HECW1: variants seen among roughly 807,000 people sequenced by gnomAD.
The protein encoded by HECW1 is E3 ubiquitin-protein ligase HECW1.
In HECW1, 61 loss-of-function variants were observed where a neutral mutation model predicts 182.3. The ratio of observed to expected loss-of-function variants is 0.33; its 90% CI spans 0.27 to 0.41. The LOEUF (loss-of-function observed/expected upper bound fraction) is 0.41, where lower values mean the gene tolerates loss of function less well. Ranked by LOEUF, HECW1 falls within the 10% of genes least tolerant of loss-of-function variation. The pLI, the probability that HECW1 is intolerant of heterozygous loss-of-function variation, is 1.00. For missense variants in HECW1, 1,739 were observed against 2,108.9 expected, an observed-to-expected ratio of 0.82 and a Z score of 3.44; for synonymous variants, 859 against 832.6, an observed-to-expected ratio of 1.03 and a Z score of -0.55.
rs1050279082 is a variant in HECW1, at chr7:43,408,366, G to A, written c.801+635G>A. Among the ~76,000 whole-genome samples the A allele has an allele frequency of 3.3e-5, 5 of 152,026 alleles. No individual in the cohort carries two copies. The South Asian group carries it at 1.0e-3, about 32-fold the overall frequency. On this transcript the variant is annotated intron_variant, in intron 8 of 29. Transcript: ENST00000395891. ...GTGTTGCCTTTGCCAGGGGTTAGGA[G>A]GGTCCTCCAAGTTCTCTCCTAAAGG...
At chr7:43,488,075 C>T (rs373947653) in intron 17 of HECW1, among the ~76,000 whole-genome samples, 5 of 151,754 alleles carry the variant, frequency 3.3e-5, no homozygotes, top group Admixed American at 6.6e-5. Context: ...TTTGGGAGAC[C>T]GAGGCAGGCA....
intron 9 of HECW1, among the ~76,000 whole-genome samples, chr7:43,440,992 T>C (rs1430476490): frequency 6.6e-6 from 1 of 152,198 alleles, no homozygotes; most frequent in African/African-American, 2.4e-5. Context: ...TGTCACAAAC[T>C]AATAAATGGA....
At chr7:43,245,533 T>C (rs1265821064) in intron 3 of HECW1, 2 of 152,222 alleles carry the variant, frequency 1.3e-5, no homozygotes, top group African/African-American at 4.8e-5. Context: ...TCTCAGCTCA[T>C]GGCATCTTCA....
chr7:43,118,805 TGACCGGGCATAG>T (rs1785293388), intron 2 of HECW1: 1 of 152,142 alleles, frequency 6.6e-6, no homozygotes, highest in Non-Finnish European at 1.5e-5. Context: ...CCCCTCTACA[TGACCGGGCATAG>T]GACCTGCATA....
At chr7:43,192,986 A>G (rs1200872903) in intron 2 of HECW1, among the ~76,000 whole-genome samples, 1 of 152,140 alleles carries the variant, frequency 6.6e-6, no homozygotes. Flanking sequence ...TTTTATGGCT[A>G]TTTCTTGATT....
rs534321808 is a variant in HECW1, at chr7:43,432,429, G to A, written c.802-5574G>A. Among the ~76,000 whole-genome samples the A allele has an allele frequency of 1.4e-3, 206 of 152,306 alleles. 2 individuals are homozygous for A. Among genetic ancestry groups the A allele is most frequent in the African/African-American group, 4.5e-3 (187 of 41,584 alleles). ...GCTGGGATTACAGGTGTGAGCCACC[G>A]CGCCCGGCCCAGTTGTTTATTTTTT... On this transcript the variant is annotated intron_variant, in intron 8 of 29. Transcript: ENST00000395891. The surrounding 1 kb of genome is among the most constrained non-coding windows in gnomAD (Gnocchi z 4.1).
chr7:43,434,052 C>A (rs1292742583), intron 8 of HECW1, among the ~76,000 whole-genome samples: 7 of 151,088 alleles, frequency 4.6e-5, no homozygotes, highest in Middle Eastern at 3.4e-3. Flanking sequence ...TAAAAAAAAA[C>A]AAAAAACCTT....
intron 2 of HECW1, among the ~76,000 whole-genome samples, chr7:43,168,472 A>G (rs1158478569): frequency 6.6e-6 from 1 of 152,130 alleles, no homozygotes; most frequent in African/African-American, 2.4e-5. Flanking sequence ...AACCTGGGCA[A>G]CATACTGAGA....
Position 43,469,211 on chromosome 7 carries a change from G to C in HECW1, c.3099+106G>C, listed in dbSNP as rs1039033701. 150 of 1,233,210 alleles carry C rather than the reference G, an allele frequency of 1.2e-4. 2 individuals carry two copies. The Middle Eastern group carries it at 1.7e-3, about 14-fold the overall frequency. The allele number at this position is 1,233,210 out of a possible 1,614,324, so 76.4% of individuals were successfully genotyped here. On this transcript the variant is annotated intron_variant, in intron 16 of 29. Coordinates refer to ENST00000395891, the MANE Select transcript of HECW1 (RefSeq NM_015052.5). Reference sequence around the variant, plus strand: ...GTGTGGGGAGGAGTTATGTCTGAGAGATGTGCTATCGGCCGCCAGCAGTAA... The same window carrying C: ...GTGTGGGGAGGAGTTATGTCTGAGACATGTGCTATCGGCCGCCAGCAGTAA...
chr7:43,551,384 A>T (rs2081819766), intron 27 of HECW1, among the ~76,000 whole-genome samples: 1 of 152,236 alleles, frequency 6.6e-6, no homozygotes, highest in African/African-American at 2.4e-5. Flanking sequence ...TCCAGTGAGC[A>T]TGAGGCTTTT....
At chr7:43,451,752 T>C (rs2077242820) in intron 12 of HECW1, among the ~76,000 whole-genome samples, 1 of 152,212 alleles carries the variant, frequency 6.6e-6, no homozygotes, top group Non-Finnish European at 1.5e-5. Context: ...GCATCACATA[T>C]GTTCATGAAT....
intron 2 of HECW1, among the ~76,000 whole-genome samples, chr7:43,210,632 C>T (rs1168277452): frequency 6.6e-6 from 1 of 152,074 alleles, no homozygotes; most frequent in Non-Finnish European, 1.5e-5. Flanking sequence ...TGTTATAGCT[C>T]TATTAGAAGC....
rs559436029 is a variant in HECW1, at chr7:43,407,680, G to A, written c.750G>A (p.Glu250=). The A allele has an allele frequency of 5.0e-6, 8 of 1,614,052 alleles. No homozygotes were observed. In the African/African-American group the frequency reaches 8.0e-5, roughly 16 times the overall value. ...IFPALPHHGQ[E]RRSKIIGNTV... ...CCGCCCTCCCTCACCATGGACAGGA[G>A]AGGAGATCCAAGATCATAGGCAACA... Residue 250 remains glutamate, a synonymous_variant, in exon 8 of 30, where the codon GAG becomes GAA. Coordinates refer to ENST00000395891, the MANE Select transcript of HECW1 (RefSeq NM_015052.5).
intron 2 of HECW1, among the ~76,000 whole-genome samples, chr7:43,143,457 TA>T (rs1303884733): frequency 9.9e-5 from 15 of 151,992 alleles, no homozygotes; most frequent in Non-Finnish European, 1.9e-4. Flanking sequence ...CTAATTTTTT[TA>T]TTTTTTTGTT....
intron 1 of HECW1, chr7:43,113,892 G>T: frequency 3.8e-6 from 1 of 264,358 alleles, no homozygotes. Flanking sequence ...TGCACACAGA[G>T]GCTGGGCACC....
intron 2 of HECW1, among the ~76,000 whole-genome samples, chr7:43,227,807 A>G (rs558355553): frequency 6.6e-6 from 1 of 152,386 alleles, no homozygotes; most frequent in South Asian, 2.1e-4. Context: ...GATCCTGACT[A>G]CAGAAAAAGC....
At chr7:43,382,234 C>G (rs147312699) in intron 6 of HECW1, among the ~76,000 whole-genome samples, 5 of 151,532 alleles carry the variant, frequency 3.3e-5, no homozygotes, top group African/African-American at 9.7e-5. Context: ...TGCAGTGAGC[C>G]GAGATCGCGC....
At chr7:43,534,079 A>G (rs1209724820) in intron 24 of HECW1, among the ~76,000 whole-genome samples, 1 of 152,216 alleles carries the variant, frequency 6.6e-6, no homozygotes, top group Non-Finnish European at 1.5e-5. Flanking sequence ...CAGACTTGGC[A>G]TATTGCCTGG....
chr7:43,151,140 A>G (rs1583704946), intron 2 of HECW1: 1 of 152,650 alleles, frequency 6.6e-6, no homozygotes, highest in Admixed American at 6.5e-5. Context: ...CAGAGGCTGG[A>G]GAAGTGAGTG....
Sources: allele counts gnomAD v4.1 joint callset (sites outside exome capture counted in the v4.1 genomes callset), GRCh38; gene constraint gnomAD v4.1.1; non-coding constraint Gnocchi (gnomAD v3.1); transcripts MANE v1.5; gene names NCBI Gene and HGNC (gene_info 2026-07-23, HGNC 2026-07-21).